Variants in PSMA6 observed in about 807,000 individuals in gnomAD.
PSMA6 encodes proteasome subunit alpha type-6.
For missense variants in PSMA6, 170 were observed against 294.8 expected (o/e 0.58, Z 3.10); for synonymous variants, 88 against 97.7 (o/e 0.90, Z 0.59).
At chr14:35,282,455 C>T (rs914755432) in intron 1 of PSMA6, among the ~76,000 whole-genome samples, 1 of 152,042 alleles carries the variant, frequency 6.6e-6, no homozygotes, top group Admixed American at 6.6e-5. Flanking sequence ...CAGACAGGGT[C>T]TCACTATGTT....
upstream of PSMA6, among the ~76,000 whole-genome samples, chr14:35,291,217 TTTC>T (rs2051475151): frequency 6.9e-6 from 1 of 144,570 alleles, no homozygotes. Flanking sequence ...TTAGGCTTTC[TTTC>T]TTTTTTTTTT....
chr14:35,292,357 G>A (rs865839877), upstream of PSMA6: 2 of 1,527,346 alleles, frequency 1.3e-6, no homozygotes, highest in African/African-American at 1.4e-5. Flanking sequence ...GCATGCAAGA[G>A]CGGAAGAAAC....
At chr14:35,279,291 C>T (rs2051340293) in intron 1 of PSMA6, among the ~76,000 whole-genome samples, 1 of 152,176 alleles carries the variant, frequency 6.6e-6, no homozygotes, top group Non-Finnish European at 1.5e-5. Context: ...AGGTGATCCG[C>T]CCACCTCGAC....
intron 1 of PSMA6, among the ~76,000 whole-genome samples, chr14:35,302,406 T>C (rs1360589391): frequency 6.8e-6 from 1 of 147,422 alleles, no homozygotes; most frequent in African/African-American, 2.4e-5. Flanking sequence ...CACACACTTA[T>C]TATGTCATAG....
At chr14:35,310,971 A>G in intron 4 of PSMA6, 76 bp downstream of exon 4, 1 of 1,415,698 alleles carries the variant, frequency 7.1e-7, no homozygotes, top group Non-Finnish European at 9.7e-7. Flanking sequence ...GAATTATTTA[A>G]ATAACACTTG....
intron 1 of PSMA6, among the ~76,000 whole-genome samples, chr14:35,307,535 A>G (rs1481193503): frequency 6.6e-6 from 1 of 152,164 alleles, no homozygotes; most frequent in Non-Finnish European, 1.5e-5. Flanking sequence ...GGAGTTCAAG[A>G]CTAGCCTGGC....
rs534214235 is a variant in PSMA6 at position 35,292,631 on chromosome 14, G to GAC, written c.76+79_76+80insAC. On this transcript the variant is annotated intron_variant, in intron 1 of 6. Transcript: ENST00000261479. ...TGCCTGGAGCGAGCAGACGCGGCCC[G>GAC]GGTTTAGTCTGGGGCCGAAGCTGGG... 331 of 1,568,040 alleles carry GAC rather than the reference G, an allele frequency of 2.1e-4. 2 individuals carry two copies. The African/African-American group carries it at 2.6e-3, about 12-fold the overall frequency.
At chr14:35,288,586 A>G (rs61988274), upstream of PSMA6, among the ~76,000 whole-genome samples, 2,954 of 152,302 alleles carry the variant, frequency 0.019, 44 homozygotes, top group Non-Finnish European at 0.031. Context: ...CTAGCTTTCA[A>G]TTTATGTTTG....
chr14:35,304,619 A>G (rs1202444562), intron 1 of PSMA6, among the ~76,000 whole-genome samples: 1 of 151,774 alleles, frequency 6.6e-6, no homozygotes, highest in African/African-American at 2.4e-5. Context: ...AATCCCAGCT[A>G]CTCGGGAGGC....
At chr14:35,305,896 G>A (rs1029272018) in intron 1 of PSMA6, among the ~76,000 whole-genome samples, 4 of 151,026 alleles carry the variant, frequency 2.6e-5, no homozygotes, top group South Asian at 4.2e-4. Context: ...CAGCCTGGGC[G>A]ACATAGCAAG....
intron 1 of PSMA6, among the ~76,000 whole-genome samples, chr14:35,298,623 A>G (rs10142113): frequency 0.12 from 18,498 of 152,144 alleles, 1,248 homozygotes; most frequent in Middle Eastern, 0.17. Context: ...AAAGTCTTTG[A>G]TCATGTAGTG....
intron 1 of PSMA6, among the ~76,000 whole-genome samples, chr14:35,284,190 G>T (rs186435363): frequency 1.3e-5 from 2 of 152,102 alleles, no homozygotes; most frequent in African/African-American, 4.8e-5. Flanking sequence ...GTCATACTTA[G>T]GTTAGGCTAT....
chr14:35,285,287 C>G (rs2051408222), intron 1 of PSMA6, among the ~76,000 whole-genome samples: 1 of 148,160 alleles, frequency 6.7e-6, no homozygotes, highest in African/African-American at 2.6e-5. Context: ...TTGCAGTGAG[C>G]CAAGATCGTG....
In PSMA6 at chr14:35,309,789, G is replaced by A. The variant is rs548164675; in HGVS notation, c.253+794G>A. Among the ~76,000 whole-genome samples, 4 of 152,108 alleles carry A rather than the reference G, an allele frequency of 2.6e-5. No individual in the cohort carries two copies. The South Asian group carries it at 8.3e-4, about 32-fold the overall frequency. ...CCAGCCTCGGCAACAGAGTGAGACT[G>A]TCTCAAAAAATAAAAACAAAAATAC... is the stretch of plus-strand genomic sequence containing the variant. On this transcript the variant is annotated intron_variant, in intron 3 of 6. Transcript: ENST00000261479.
At position 35,285,372 on chromosome 14, in the gene PSMA6, G is replaced by T. The variant is rs1348971030; in HGVS notation, c.19+6654G>T. ...ACAAAAAACAAAAAAAAAAACCGTA[G>T]CACACTCTTGCTTTTCTATCAATAA... is the stretch of plus-strand genomic sequence containing the variant. On this transcript the variant is annotated intron_variant, in intron 1 of 6. Transcript: ENST00000540871. Among the ~76,000 whole-genome samples the T allele has an allele frequency of 3.4e-5, 5 of 145,818 alleles. No individual in the cohort carries two copies. In the East Asian group the frequency reaches 7.9e-4, roughly 23 times the overall value.
At chr14:35,280,130 C>CA (rs1258960847) in intron 1 of PSMA6, among the ~76,000 whole-genome samples, 205 of 112,244 alleles carry the variant, frequency 1.8e-3, no homozygotes, top group Middle Eastern at 0.013. Flanking sequence ...GACTCCGTCT[C>CA]AAAAAAAAAA....
At chr14:35,288,207 G>C (rs748092754), upstream of PSMA6, among the ~76,000 whole-genome samples, 1 of 152,220 alleles carries the variant, frequency 6.6e-6, no homozygotes, top group Non-Finnish European at 1.5e-5. Flanking sequence ...GAACAAAACA[G>C]ATGTGGCTAG....
At chr14:35,279,078 G>A (rs903983062) in intron 1 of PSMA6, among the ~76,000 whole-genome samples, 7 of 151,762 alleles carry the variant, frequency 4.6e-5, no homozygotes, top group African/African-American at 9.7e-5. Context: ...ATGGAGTTTC[G>A]CTCTTCTCGC....
chr14:35,289,629 C>T (rs916037186), upstream of PSMA6, among the ~76,000 whole-genome samples: 11 of 152,114 alleles, frequency 7.2e-5, no homozygotes, highest in African/African-American at 1.2e-4. Flanking sequence ...TGTTGCACCA[C>T]GCCCAGCCTA....
Sources: gnomAD v4.1 joint callset for allele counts (sites outside exome capture counted in the v4.1 genomes callset) on GRCh38, gnomAD v4.1.1 for gene constraint, MANE v1.5 for transcripts, NCBI Gene and HGNC (gene_info 2026-07-23, HGNC 2026-07-21) for gene names.